UPK1B: variants seen among roughly 807,000 people sequenced by gnomAD.
UPK1B encodes the protein uroplakin 1B, also known as uroplakin-1b.
UPK1B carries 28 observed loss-of-function variants against 34.2 expected under a neutral mutation model. The ratio of observed to expected loss-of-function variants is 0.82; its 90% confidence interval spans 0.61 to 1.12. UPK1B has a LOEUF of 1.12. UPK1B is among the 50% of genes most tolerant of loss of function. UPK1B has a pLI of 0.00. For missense variants in UPK1B, 325 were observed against 320.9 expected (o/e 1.01, Z -0.10); for synonymous variants, 81 against 110.4 (o/e 0.73, Z 1.67).
chr3:119,192,875 C>T (rs968086447), intron 5 of UPK1B, among the ~76,000 whole-genome samples: 1 of 152,192 alleles, frequency 6.6e-6, no homozygotes, highest in Non-Finnish European at 1.5e-5. Context: ...CAACATTCAC[C>T]CACTATTCTG....
At chr3:119,184,852 T>G (rs552679759) in intron 1 of UPK1B, among the ~76,000 whole-genome samples, 2 of 152,348 alleles carry the variant, frequency 1.3e-5, no homozygotes, top group South Asian at 4.1e-4. Flanking sequence ...TGCCCTTTCC[T>G]CTCTATGCTT....
intron 1 of UPK1B, among the ~76,000 whole-genome samples, chr3:119,179,172 T>G (rs533598090): frequency 3.8e-4 from 58 of 150,944 alleles, no homozygotes; most frequent in Admixed American, 1.5e-3. Context: ...TACAAAAAAT[T>G]TAAAAATTAG....
chr3:119,179,155 C>T (rs1454412734), intron 1 of UPK1B, among the ~76,000 whole-genome samples: 5 of 151,328 alleles, frequency 3.3e-5, no homozygotes, highest in Non-Finnish European at 7.4e-5. Flanking sequence ...TGATGAAACC[C>T]CTTCTCTACA....
chr3:119,203,898 T>C lies in UPK1B; in HGVS notation c.733-19T>C. 3 of 1,613,300 alleles carry C rather than the reference T, an allele frequency of 1.9e-6. No individual in the cohort carries two copies. The highest frequency in any genetic ancestry group is 2.5e-6 in the Non-Finnish European group (3 of 1,179,308). ...AAAACAATCCCTTGTTTATTTTTCC[T>C]TGTTTTTTTCTATTCCAGTTTTGGG... is the stretch of plus-strand genomic sequence containing the variant. On this transcript the variant is annotated intron_variant, in intron 7 of 7. Coordinates refer to ENST00000264234, the MANE Select transcript of UPK1B (RefSeq NM_006952.4).
intron 1 of UPK1B, among the ~76,000 whole-genome samples, chr3:119,181,798 T>A (rs1403315932): frequency 6.6e-6 from 1 of 152,130 alleles, no homozygotes; most frequent in African/African-American, 2.4e-5. Context: ...TAAAACAGGG[T>A]CCCAAATGCC....
chr3:119,201,504 G>A lies in UPK1B; in HGVS notation c.732+2364G>A, dbSNP rs969929346. ...TCTCATGAGACTTATTCCCTATCAC[G>A]AGAACGGCACAGAAAAAAACCCGGT... On this transcript the variant is annotated intron_variant, in intron 7 of 7. Transcript: ENST00000264234. Among the ~76,000 whole-genome samples the A allele has an allele frequency of 5.3e-5, 8 of 152,066 alleles. No homozygotes were observed. In the South Asian group the frequency reaches 6.2e-4, roughly 12 times the overall value.
Position 119,204,672 on chromosome 3 carries a change from T to A in UPK1B, c.*705T>A. The A allele has an allele frequency of 1.3e-5, 2 of 151,804 alleles. No homozygotes were observed. The highest frequency in any genetic ancestry group is 2.9e-5 in the Non-Finnish European group (2 of 67,932). 9.4% of individuals were successfully genotyped at this position (151,804 alleles called of 1,614,324 possible). On this transcript the variant is annotated 3_prime_UTR_variant, in exon 8 of 8. Coordinates refer to ENST00000264234, the MANE Select transcript of UPK1B (RefSeq NM_006952.4). ...TGGGCAGATCACCTGAGGTCAGGAG[T>A]TCAAGACCAGCCTGGCCAACATGGT...
At chr3:119,201,973 T>A (rs1295735252) in intron 7 of UPK1B, among the ~76,000 whole-genome samples, 1 of 152,210 alleles carries the variant, frequency 6.6e-6, no homozygotes, top group African/African-American at 2.4e-5. Flanking sequence ...TTTGAGTATC[T>A]TAGAACTCCA....
In UPK1B at chr3:119,186,761, C is replaced by T; in HGVS notation, c.20C>T (p.Thr7Ile). Residue 7 changes from threonine (T) to isoleucine (I), a missense_variant, in exon 2 of 8, where the codon ACT becomes ATT. Physicochemically the swap from Thr to Ile is moderately conservative, Grantham distance 89. Transcript: ENST00000264234. MAKDNS[T>I]VRCFQGLLIF... ...CCGAAGATGGCCAAAGACAACTCAA[C>T]TGTTCGTTGCTTCCAGGGCCTGCTG... 1 of 1,614,136 alleles carries T rather than the reference C, an allele frequency of 6.2e-7. No homozygotes were observed. Among genetic ancestry groups the T allele is most frequent in the Non-Finnish European group, 8.5e-7 (1 of 1,180,006 alleles).
At chr3:119,174,769 T>C (rs191799796) in intron 1 of UPK1B, among the ~76,000 whole-genome samples, 4 of 152,204 alleles carry the variant, frequency 2.6e-5, no homozygotes, top group African/African-American at 9.6e-5. Flanking sequence ...TCAGACCCTA[T>C]GAAGAAGTGG....
intron 1 of UPK1B, among the ~76,000 whole-genome samples, chr3:119,174,968 AG>A (rs2077947307): frequency 6.8e-6 from 1 of 147,196 alleles, no homozygotes. Context: ...CATTTAATCA[AG>A]GGGAAAAAAA....
chr3:119,200,527 T>A (rs1036471062), intron 7 of UPK1B, among the ~76,000 whole-genome samples: 7 of 152,262 alleles, frequency 4.6e-5, no homozygotes, highest in Admixed American at 6.5e-5. Flanking sequence ...GGAAAAAATA[T>A]TAGTTCATTG....
At position 119,179,352 on chromosome 3, in the gene UPK1B, GATATATATATATATATAT is replaced by G. The variant is rs60685268; in HGVS notation, c.-29+5743_-29+5760del. On this transcript the variant is annotated intron_variant, in intron 1 of 7. Transcript: ENST00000264234. ...AGAGAGAGGGAGAGAGAGAGAGGGA[GATATATATATATATATAT>G]ATATATATATATATATATATATATA... Among the ~76,000 whole-genome samples, 34 of 46,900 alleles carry G rather than the reference GATATATATATATATATAT, an allele frequency of 7.2e-4. 1 individual carries two copies. The highest frequency in any genetic ancestry group is 2.1e-3 in the Admixed American group (7 of 3,284). 30.8% of individuals were successfully genotyped at this position (46,900 alleles called of 152,430 possible).
chr3:119,187,750 G>C (rs776866973), intron 2 of UPK1B, 25 bp from the exon 3 acceptor site: 4 of 1,612,306 alleles, frequency 2.5e-6, no homozygotes, highest in Admixed American at 1.7e-5. Context: ...ACTCCTGATG[G>C]AGCCCACCTT....
At chr3:119,175,537 T>TC (rs1199700470) in intron 1 of UPK1B, among the ~76,000 whole-genome samples, 2 of 20,130 alleles carry the variant, frequency 9.9e-5, no homozygotes, top group Admixed American at 3.6e-4. Context: ...GCCCACCCCC[T>TC]CCCCCCCGCC....
chr3:119,173,892 G>A (rs191315566), intron 1 of UPK1B, among the ~76,000 whole-genome samples: 3 of 151,822 alleles, frequency 2.0e-5, no homozygotes, highest in East Asian at 3.9e-4. Flanking sequence ...GAGATATTAC[G>A]CAGCCATCCT....
At chr3:119,203,746 T>A (rs2078104567) in intron 7 of UPK1B, among the ~76,000 whole-genome samples, 171 bp from the exon 8 acceptor site, 1 of 152,210 alleles carries the variant, frequency 6.6e-6, no homozygotes, top group Non-Finnish European at 1.5e-5. Context: ...ACCTGCACGT[T>A]CTGTACATGT....
chr3:119,184,253 C>T (rs12107009), intron 1 of UPK1B, among the ~76,000 whole-genome samples: 17,112 of 152,114 alleles, frequency 0.11, 1,171 homozygotes, highest in African/African-American at 0.16. Flanking sequence ...AAAGTCTGTA[C>T]GTCACGGGGC....
chr3:119,203,283 G>A (rs1272709426), intron 7 of UPK1B, among the ~76,000 whole-genome samples: 1 of 135,686 alleles, frequency 7.4e-6, no homozygotes, highest in African/African-American at 2.7e-5. Flanking sequence ...GGAGCTTGCA[G>A]TGAGTCAAGA....
Sources: allele counts gnomAD v4.1 joint callset (sites outside exome capture counted in the v4.1 genomes callset), GRCh38; gene constraint gnomAD v4.1.1; transcripts MANE v1.5; gene names NCBI Gene and HGNC (gene_info 2026-07-23, HGNC 2026-07-21).